The following ZFC3H1 variants were observed in gnomAD, a reference collection of about 807,000 sequenced individuals.
ZFC3H1 encodes the protein zinc finger C3H1 domain-containing protein.
A neutral mutation model predicts 243.7 loss-of-function variants in ZFC3H1; 71 were observed. That is an observed-to-expected ratio of 0.29 (90% confidence interval 0.24 to 0.36). The LOEUF is 0.36. ZFC3H1 is among the 10% of genes least tolerant of loss of function. The probability of loss-of-function intolerance (pLI) is 1.00; values close to 1 mark genes in which losing one functional copy is unlikely to be tolerated. For missense variants in ZFC3H1, 1,966 were observed against 2,317.1 expected (o/e 0.85, Z 3.11); for synonymous variants, 838 against 813.0 (o/e 1.03, Z -0.52).
At chr12:71,638,358 T>G in intron 7 of ZFC3H1, 60 bp downstream of exon 7, 1 of 1,532,326 alleles carries the variant, frequency 6.5e-7, no homozygotes, top group South Asian at 1.2e-5. Context: ...CATTCGTTTT[T>G]AAAAACAAAT....
rs759441056 is a variant in ZFC3H1, at chr12:71,632,491, G to T, written c.2841C>A (p.Asp947Glu). The change falls in exon 15 of 35, where the codon GAC becomes GAA. Residue 947 changes from aspartate (D) to glutamate (E), a missense_variant. This residue lies in a region of ZFC3H1 where 1,383 missense variants were observed against 1,723.7 expected (regional missense o/e 0.80). Coordinates refer to ENST00000378743, the MANE Select transcript of ZFC3H1 (RefSeq NM_144982.5). Reference sequence around the variant, plus strand: ...TTCTTGGACTTGATACTGGAGAACTGTCCAGTCTCATCATTTTGTTTGGCT... The same window carrying T: ...TTCTTGGACTTGATACTGGAGAACTTTCCAGTCTCATCATTTTGTTTGGCT... ...RFGPNKMMRLDSSPVSSPRKH... is the reference protein window; with the variant it reads ...RFGPNKMMRLESSPVSSPRKH... The T allele has an allele frequency of 6.4e-7, 1 of 1,568,284 alleles. No homozygotes were observed. Among genetic ancestry groups the T allele is most frequent in the Non-Finnish European group, 8.6e-7 (1 of 1,168,444 alleles).
At chr12:71,621,963 C>T (rs763576439) in intron 24 of ZFC3H1, among the ~76,000 whole-genome samples, 6 of 152,134 alleles carry the variant, frequency 3.9e-5, no homozygotes, top group Non-Finnish European at 7.3e-5. Flanking sequence ...CATTCTCTTT[C>T]TTAAAGAACC....
chr12:71,627,568 T>C (rs186178480), intron 21 of ZFC3H1, among the ~76,000 whole-genome samples, 183 bp downstream of exon 21: 19 of 152,270 alleles, frequency 1.2e-4, no homozygotes, highest in African/African-American at 4.6e-4. Flanking sequence ...GCACACAAAC[T>C]CAAGATCTAA....
intron 27 of ZFC3H1, among the ~76,000 whole-genome samples, chr12:71,616,667 G>A (rs914365891): frequency 1.3e-5 from 2 of 151,942 alleles, no homozygotes; most frequent in Admixed American, 6.6e-5. Flanking sequence ...TACATTGATC[G>A]CAAAAATGAC....
intron 2 of ZFC3H1, 122 bp from the exon 3 acceptor site, chr12:71,647,935 A>T (rs1049139159): frequency 7.4e-6 from 3 of 406,530 alleles, no homozygotes; most frequent in African/African-American, 6.3e-5. Context: ...TCATTTTCTC[A>T]ATCTCTCAAC....
chr12:71,615,142 A>T, intron 28 of ZFC3H1, 64 bp downstream of exon 28: 1 of 1,324,092 alleles, frequency 7.6e-7, no homozygotes, highest in Non-Finnish European at 1.1e-6. Flanking sequence ...AACACAGTGT[A>T]ATTCAGTAAT....
chr12:71,657,228 A>T lies in ZFC3H1; in HGVS notation c.672T>A (p.Thr224=), dbSNP rs1186829937. The T allele has an allele frequency of 6.2e-7, 1 of 1,605,352 alleles. No individual in the cohort carries two copies. The highest frequency in any genetic ancestry group is 2.2e-5 in the East Asian group (1 of 44,744). The change falls in exon 2 of 35, where the codon ACT becomes ACA. Residue 224 remains threonine, a synonymous_variant. Transcript: ENST00000378743. ...TATACTTTAAAAGCAAATCTTCAAAAGTTTCTTCCACACAGTTTTCATTTT... is the reference window on the plus strand; with the variant it reads ...TATACTTTAAAAGCAAATCTTCAAATGTTTCTTCCACACAGTTTTCATTTT... ...SSKNENCVEE[T]FEDLLLKYKQ... is the part of the protein sequence containing the mutation.
rs200754250 is a variant in ZFC3H1, at chr12:71,610,666, G to A, written c.5832+29C>T. The A allele has an allele frequency of 1.6e-4, 266 of 1,612,168 alleles. 1 individual carries two copies. The highest frequency in any genetic ancestry group is 4.9e-4 in the African/African-American group (37 of 74,900). On this transcript the variant is annotated intron_variant, in intron 34 of 34. Transcript: ENST00000378743. ...TGCAGAAAATTTACAGGAAAACATC[G>A]AGATAAAATAAAAGATAAAAAGCAT...
rs962596413 is a variant in ZFC3H1 at position 71,632,201 on chromosome 12, C to T, written c.3131G>A (p.Arg1044Lys). The T allele has an allele frequency of 3.7e-6, 6 of 1,608,052 alleles. No homozygotes were observed. The East Asian group carries it at 1.3e-4, about 36-fold the overall frequency. ...ATAATTGGATTCTAAAAAAGATCTT[C>T]TTCGCTCTCTGCTTGAACCAGACAA... ...EILSGSSRER[R>K]RSFLESNYFT... The change falls in exon 15 of 35, where the codon AGA becomes AAA. Residue 1044 changes from arginine (R) to lysine (K), a missense_variant. Physicochemically the swap from Arg to Lys is conservative, Grantham distance 26. Coordinates refer to ENST00000378743, the MANE Select transcript of ZFC3H1 (RefSeq NM_144982.5).
chr12:71,643,237 C>T (rs552764356), intron 5 of ZFC3H1, among the ~76,000 whole-genome samples: 1 of 151,966 alleles, frequency 6.6e-6, no homozygotes, highest in East Asian at 1.9e-4. Flanking sequence ...ATGGTGAAAC[C>T]CCGTCTCTAC....
rs1332513883 is a variant in ZFC3H1 at position 71,663,353 on chromosome 12, G to A, written c.258C>T (p.Phe86=). 2.3e-5 allele frequency: 37 copies of A among 1,613,206 alleles called. No homozygotes were observed. Among genetic ancestry groups the A allele is most frequent in the Non-Finnish European group, 3.1e-5 (36 of 1,180,032 alleles). Reference sequence around the variant, plus strand: ...GCTCAGACGCGTGCCGCGAGCGTGAGAAATTCCTCAGCTGCTGCTGAGAAG... The same window carrying A: ...GCTCAGACGCGTGCCGCGAGCGTGAAAAATTCCTCAGCTGCTGCTGAGAAG... ...SSSSQQQLRN[F]SRSRHASERG... Residue 86 remains phenylalanine (F), a synonymous_variant, in exon 1 of 35, where the codon TTC becomes TTT. Coordinates refer to ENST00000378743, the MANE Select transcript of ZFC3H1 (RefSeq NM_144982.5).
Position 71,620,090 on chromosome 12 carries a change from A to G in ZFC3H1, c.4885T>C (p.Leu1629=), listed in dbSNP as rs776648036. 6 of 1,613,176 alleles carry G rather than the reference A, an allele frequency of 3.7e-6. No individual in the cohort carries two copies. Among genetic ancestry groups the G allele is most frequent in the South Asian group, 3.3e-5 (3 of 90,716 alleles). ...EAAMELCKSL[L]ESCPINCQLL... ...TGGCAGTTAATAGGACATGATTCCAATAAAGATTTACAAAGCTCCATTGCA... is the reference window on the plus strand; with the variant it reads ...TGGCAGTTAATAGGACATGATTCCAGTAAAGATTTACAAAGCTCCATTGCA... The change falls in exon 26 of 35, where the codon TTG becomes CTG. Residue 1629 remains leucine, a synonymous_variant. Coordinates refer to ENST00000378743, the MANE Select transcript of ZFC3H1 (RefSeq NM_144982.5).
intron 2 of ZFC3H1, among the ~76,000 whole-genome samples, chr12:71,652,568 A>C (rs1224717752): frequency 6.6e-6 from 1 of 152,238 alleles, no homozygotes; most frequent in Non-Finnish European, 1.5e-5. Flanking sequence ...TCATCTTTCC[A>C]GATGTATATC....
chr12:71,658,456 T>C (rs1231995818), intron 1 of ZFC3H1, among the ~76,000 whole-genome samples: 1 of 151,914 alleles, frequency 6.6e-6, no homozygotes, highest in South Asian at 2.1e-4. Flanking sequence ...GCCCAGCTAA[T>C]TTTTGTATTT....
At chr12:71,660,493 A>C (rs568553232) in intron 1 of ZFC3H1, 2 of 152,270 alleles carry the variant, frequency 1.3e-5, no homozygotes, top group South Asian at 2.1e-4. Flanking sequence ...AAAGTCACAC[A>C]AGCAGACTGG....
chr12:71,612,159 A>C (rs1000758911), intron 31 of ZFC3H1, among the ~76,000 whole-genome samples: 5 of 151,906 alleles, frequency 3.3e-5, no homozygotes, highest in African/African-American at 9.7e-5. Flanking sequence ...CCGCCAAATA[A>C]CAGTCCCTGT....
At chr12:71,634,860 CA>C (rs1880421166) in intron 10 of ZFC3H1, 35 bp from the exon 11 acceptor site, 1 of 1,562,982 alleles carries the variant, frequency 6.4e-7, no homozygotes, top group East Asian at 2.3e-5. Context: ...TCAACTAGAT[CA>C]TCAGCTTTCC....
chr12:71,623,977 A>G, intron 23 of ZFC3H1, 127 bp downstream of exon 23: 2 of 963,286 alleles, frequency 2.1e-6, no homozygotes, highest in Non-Finnish European at 3.0e-6. Context: ...ACTTACTAGT[A>G]AGTGGAAAAA....
intron 24 of ZFC3H1, among the ~76,000 whole-genome samples, chr12:71,620,634 T>C (rs1438948255): frequency 6.6e-6 from 1 of 151,894 alleles, no homozygotes; most frequent in East Asian, 1.9e-4. Flanking sequence ...TTAAAATCCA[T>C]CTCAACAAAA....
Sources: allele counts gnomAD v4.1 joint callset (sites outside exome capture counted in the v4.1 genomes callset), GRCh38; gene constraint gnomAD v4.1.1; regional missense constraint gnomAD v4.1.1; transcripts MANE v1.5; gene names NCBI Gene and HGNC (gene_info 2026-07-23, HGNC 2026-07-21).